SAMD4A: variants seen among roughly 807,000 people sequenced by gnomAD.
SAMD4A encodes protein Smaug homolog 1.
Under a neutral mutation model 81.3 loss-of-function variants are expected in SAMD4A, and 33 were observed. That is an observed-to-expected ratio of 0.41 (90% CI 0.31 to 0.54). The LOEUF (loss-of-function observed/expected upper bound fraction) is 0.54, where lower values mean the gene tolerates loss of function less well. Ranked by LOEUF, SAMD4A falls within the 20% of genes least tolerant of loss-of-function variation. The probability of loss-of-function intolerance (pLI) is 0.37; values close to 1 mark genes in which losing one functional copy is unlikely to be tolerated. For synonymous variants in SAMD4A, 389 were observed against 382.1 expected, an observed-to-expected ratio of 1.02 and a Z score of -0.21; for missense variants, 854 against 951.1, an observed-to-expected ratio of 0.90 and a Z score of 1.34.
chr14:54,588,077 T>G, intron 2 of SAMD4A, among the ~76,000 whole-genome samples: 1 of 152,224 alleles, frequency 6.6e-6, no homozygotes, highest in Non-Finnish European at 1.5e-5. Context: ...GTTATTGGTC[T>G]GTTCAGAGAT....
intron 2 of SAMD4A, among the ~76,000 whole-genome samples, chr14:54,594,666 T>G (rs2140196682): frequency 6.6e-6 from 1 of 152,330 alleles, no homozygotes; most frequent in East Asian, 1.9e-4. Flanking sequence ...CTGAATCAGA[T>G]TTAATTGGTG....
intron 2 of SAMD4A, among the ~76,000 whole-genome samples, chr14:54,690,852 C>T (rs1194493176): frequency 6.6e-6 from 1 of 152,228 alleles, no homozygotes; most frequent in Non-Finnish European, 1.5e-5. Flanking sequence ...TTTCTCCTCA[C>T]TGAGCCATGT....
intron 6 of SAMD4A, among the ~76,000 whole-genome samples, chr14:54,756,075 G>A (rs189343220): frequency 6.6e-6 from 1 of 152,268 alleles, no homozygotes; most frequent in East Asian, 1.9e-4. Context: ...ATTCCATCAA[G>A]TGCTGCAGAG....
intron 9 of SAMD4A, among the ~76,000 whole-genome samples, 196 bp downstream of exon 9, chr14:54,770,418 A>G (rs1394369390): frequency 6.6e-6 from 1 of 152,242 alleles, no homozygotes; most frequent in Non-Finnish European, 1.5e-5. Flanking sequence ...CCAGGCGAAG[A>G]GCTGAATGTG....
chr14:54,583,542 A>G (rs957801278), intron 2 of SAMD4A, among the ~76,000 whole-genome samples: 1 of 152,162 alleles, frequency 6.6e-6, no homozygotes, highest in East Asian at 1.9e-4. Flanking sequence ...CTGTAGTTGG[A>G]TATGATCTCC....
intron 2 of SAMD4A, among the ~76,000 whole-genome samples, chr14:54,692,130 A>G (rs150433906): frequency 6.6e-6 from 1 of 152,328 alleles, no homozygotes; most frequent in East Asian, 1.9e-4. Flanking sequence ...AATTTTGTCT[A>G]TAAGTTGTTG....
intron 2 of SAMD4A, among the ~76,000 whole-genome samples, chr14:54,666,949 G>A (rs1001041204): frequency 6.6e-6 from 1 of 152,044 alleles, no homozygotes; most frequent in Middle Eastern, 3.2e-3. Flanking sequence ...TAACATTTTT[G>A]GTGGTCCTTT....
intron 2 of SAMD4A, among the ~76,000 whole-genome samples, chr14:54,672,430 C>T (rs542208293): frequency 1.3e-4 from 20 of 152,290 alleles, no homozygotes; most frequent in Non-Finnish European, 2.5e-4. Context: ...GAATCTGTCA[C>T]TCTCTGCCTC....
chr14:54,767,174 C>A (rs766448458), intron 8 of SAMD4A, among the ~76,000 whole-genome samples: 3 of 152,196 alleles, frequency 2.0e-5, no homozygotes, highest in Non-Finnish European at 2.9e-5. Context: ...TTTTCCACAG[C>A]CTCCGGTTAT....
chr14:54,618,739 A>G (rs1022967603), intron 2 of SAMD4A, among the ~76,000 whole-genome samples: 2 of 152,212 alleles, frequency 1.3e-5, no homozygotes, highest in Non-Finnish European at 2.9e-5. Context: ...AAGTTGGCCA[A>G]TCACTGACAA....
intron 2 of SAMD4A, among the ~76,000 whole-genome samples, chr14:54,670,251 G>T (rs1419125733): frequency 1.3e-5 from 2 of 152,058 alleles, no homozygotes; most frequent in African/African-American, 4.8e-5. Flanking sequence ...TCTGTTCCTA[G>T]GCATTAAGGA....
chr14:54,731,697 A>G (rs1353778627), intron 3 of SAMD4A, among the ~76,000 whole-genome samples: 1 of 152,218 alleles, frequency 6.6e-6, no homozygotes, highest in Non-Finnish European at 1.5e-5. Flanking sequence ...ATTAAAAATG[A>G]AGAGAGACTA....
chr14:54,658,739 G>A (rs1362816418), intron 2 of SAMD4A, among the ~76,000 whole-genome samples: 2 of 152,184 alleles, frequency 1.3e-5, no homozygotes, highest in East Asian at 3.9e-4. Flanking sequence ...CTCCAAATGA[G>A]GGTCATTCCA....
At chr14:54,581,279 A>G (rs1347466127) in intron 2 of SAMD4A, among the ~76,000 whole-genome samples, 1 of 152,264 alleles carries the variant, frequency 6.6e-6, no homozygotes, top group Non-Finnish European at 1.5e-5. Context: ...ACAATGGGAT[A>G]CAAATTCAGG....
chr14:54,634,623 G>A (rs761148304), intron 2 of SAMD4A, among the ~76,000 whole-genome samples: 3 of 152,080 alleles, frequency 2.0e-5, no homozygotes, highest in Non-Finnish European at 2.9e-5. Context: ...ATGGTCGCCC[G>A]CCGCTCACCT....
In SAMD4A at chr14:54,629,654, G is replaced by C. The variant is rs147693818; in HGVS notation, c.196+61542G>C. The stretch of plus-strand genomic sequence containing the variant: ...ATATTCTGGAGATCTCTAAGTATTT[G>C]GCTTAAAAATTTTTTTTTCAATTGC... On this transcript the variant is annotated intron_variant, in intron 2 of 12. Transcript: ENST00000554335. Among the ~76,000 whole-genome samples the C allele has an allele frequency of 1.5e-3, 234 of 151,678 alleles. 1 individual carries two copies. The highest frequency in any genetic ancestry group is 5.4e-3 in the African/African-American group (225 of 41,314).
At chr14:54,601,265 A>AGTTGC (rs2034045312) in intron 2 of SAMD4A, among the ~76,000 whole-genome samples, 1 of 152,276 alleles carries the variant, frequency 6.6e-6, no homozygotes, top group Middle Eastern at 3.4e-3. Context: ...GTTTCCTGGT[A>AGTTGC]GTTGCCTCCC....
At chr14:54,574,116 C>T (rs758543200) in intron 2 of SAMD4A, among the ~76,000 whole-genome samples, 1 of 152,116 alleles carries the variant, frequency 6.6e-6, no homozygotes, top group East Asian at 1.9e-4. Flanking sequence ...ATAAATTTAC[C>T]AAATACCCCA....
At chr14:54,582,802 A>C (rs1196852532) in intron 2 of SAMD4A, among the ~76,000 whole-genome samples, 2 of 151,980 alleles carry the variant, frequency 1.3e-5, no homozygotes, top group Non-Finnish European at 2.9e-5. Context: ...CGCATGCAGA[A>C]GTCTTTTAGG....
Sources: gnomAD v4.1 joint callset for allele counts (sites outside exome capture counted in the v4.1 genomes callset) on GRCh38, gnomAD v4.1.1 for gene constraint, MANE v1.5 for transcripts, NCBI Gene and HGNC (gene_info 2026-07-23, HGNC 2026-07-21) for gene names.